Variants in DNAH8 observed in about 807,000 individuals in gnomAD.
DNAH8 encodes the protein dynein axonemal heavy chain 8, also known as axonemal beta dynein heavy chain 8.
A neutral mutation model predicts 562.1 loss-of-function variants in DNAH8; 382 were observed. The ratio of observed to expected loss-of-function variants is 0.68; its 90% CI spans 0.63 to 0.74. DNAH8 has a LOEUF of 0.74. Ranked by LOEUF, DNAH8 falls within the 30% of genes least tolerant of loss-of-function variation. DNAH8 has a pLI of 0.00. For synonymous variants in DNAH8, 1,881 were observed against 1,919.4 expected (o/e 0.98, Z 0.52); for missense variants, 5,203 against 5,620.4 (o/e 0.93, Z 2.37).
intron 32 of DNAH8, among the ~76,000 whole-genome samples, chr6:38,835,037 A>C (rs576692589): frequency 2.8e-4 from 42 of 152,160 alleles, no homozygotes; most frequent in African/African-American, 9.4e-4. Flanking sequence ...AAGTTTCCCT[A>C]CTTCTTTGTC....
rs911341706 is a variant in DNAH8 at position 38,814,646 on chromosome 6, G to C, written c.3333+517G>C. 1.4e-4 allele frequency among the ~76,000 whole-genome samples: 21 copies of C among 152,100 alleles called. 1 individual carries two copies. The highest frequency in any genetic ancestry group is 4.4e-5 in the Non-Finnish European group (3 of 68,030). ...AAGGACTCGTGAAAGAATTGAGTTA[G>C]GCATCTGTTCTGCCAGCAGTTAGCA... is the stretch of plus-strand genomic sequence containing the variant. On this transcript the variant is annotated intron_variant, in intron 25 of 92. Coordinates refer to ENST00000327475, the MANE Select transcript of DNAH8 (RefSeq NM_001206927.2).
At chr6:38,747,572 A>G (rs1765062651) in intron 8 of DNAH8, among the ~76,000 whole-genome samples, 2 of 151,958 alleles carry the variant, frequency 1.3e-5, no homozygotes, top group Admixed American at 1.3e-4. Flanking sequence ...TGTTTAGTAG[A>G]GACAAGGTTT....
rs770862326 is a variant in DNAH8 at position 39,000,967 on chromosome 6, G to A, written c.13215-7847G>A. ...AGTACAAAGAAGAGGAACATAATGA[G>A]CGGTAAGGACCAAGAACTTAGACTG... is the stretch of plus-strand genomic sequence containing the variant. On this transcript the variant is annotated intron_variant, in intron 88 of 92. Coordinates refer to ENST00000327475, the MANE Select transcript of DNAH8 (RefSeq NM_001206927.2). 5.3e-5 allele frequency among the ~76,000 whole-genome samples: 8 copies of A among 152,222 alleles called. No individual in the cohort carries two copies. In the South Asian group the frequency reaches 6.2e-4, roughly 12 times the overall value.
At chr6:38,972,391 GCTAGTCATTAATTCTCAAATGCC>G (rs1279264997) in intron 83 of DNAH8, among the ~76,000 whole-genome samples, 99 of 152,198 alleles carry the variant, frequency 6.5e-4, no homozygotes, top group African/African-American at 2.3e-3. Context: ...AACTTTTCCA[GCTAGTCATTAATTCTCAAATGCC>G]CTAAGCCTCA....
At chr6:38,789,726 C>T (rs1161509383) in intron 18 of DNAH8, 77 bp from the exon 19 acceptor site, 8 of 1,113,012 alleles carry the variant, frequency 7.2e-6, no homozygotes, top group Non-Finnish European at 1.1e-5. Flanking sequence ...ATTATGAAAC[C>T]TTCCTGGAAT....
chr6:38,736,959 T>C, intron 5 of DNAH8, 108 bp from the exon 6 acceptor site: 1 of 745,302 alleles, frequency 1.3e-6, no homozygotes, highest in Non-Finnish European at 2.0e-6. Context: ...TAATAGTTTA[T>C]AAAATGTATT....
At chr6:38,805,420 T>C (rs1583052498) in intron 22 of DNAH8, 61 bp from the exon 23 acceptor site, 2 of 1,027,184 alleles carry the variant, frequency 1.9e-6, no homozygotes, top group Non-Finnish European at 3.0e-6. Flanking sequence ...TTTGGCCATG[T>C]AGAATACAGA....
intron 24 of DNAH8, among the ~76,000 whole-genome samples, chr6:38,810,446 G>T (rs1317541349): frequency 6.6e-6 from 1 of 152,094 alleles, no homozygotes; most frequent in Non-Finnish European, 1.5e-5. Flanking sequence ...ACAAAAAGTA[G>T]GCAGGTGTGG....
chr6:38,776,709 G>T (rs1267505506), intron 13 of DNAH8, among the ~76,000 whole-genome samples: 1 of 152,156 alleles, frequency 6.6e-6, no homozygotes, highest in East Asian at 1.9e-4. Context: ...CTCTGAAGAG[G>T]CATTCATATC....
chr6:38,960,665 T>C (rs1202494187), intron 82 of DNAH8, among the ~76,000 whole-genome samples: 1 of 151,922 alleles, frequency 6.6e-6, no homozygotes, highest in African/African-American at 2.4e-5. Flanking sequence ...TCATACAGTA[T>C]TGGTAGAAAT....
rs373670534 is a variant in DNAH8, at chr6:38,842,912, G to A, written c.4845+9G>A. 59 of 1,612,536 alleles carry A rather than the reference G, an allele frequency of 3.7e-5. No homozygotes were observed. The East Asian group carries it at 9.4e-4, about 26-fold the overall frequency. On this transcript the variant is annotated intron_variant, in intron 35 of 92. Coordinates refer to ENST00000327475, the MANE Select transcript of DNAH8 (RefSeq NM_001206927.2). ...ATAAGGATGATATTGAGGTACATAA[G>A]TGTATACGTTCTTATCAATGATCCA...
chr6:38,937,653 G>T (rs1346268641), intron 77 of DNAH8, among the ~76,000 whole-genome samples: 2 of 152,122 alleles, frequency 1.3e-5, no homozygotes, highest in Non-Finnish European at 2.9e-5. Flanking sequence ...ATCACATGGG[G>T]AACAGCAAAG....
chr6:38,842,351 G>C lies in DNAH8; in HGVS notation c.4467-17G>C. 6.3e-7 allele frequency: 1 copy of C among 1,586,108 alleles called. No homozygotes were observed. Among genetic ancestry groups the C allele is most frequent in the Non-Finnish European group, 8.6e-7 (1 of 1,167,256 alleles). On this transcript the variant is annotated splice_polypyrimidine_tract_variant and intron_variant, in intron 33 of 92. Transcript: ENST00000327475. ...ATATTATACATGATGTGATAACTTA[G>C]TTACTTTGTTTCCCAGAAAAGAACT...
chr6:38,770,278 T>A, intron 11 of DNAH8, 135 bp from the exon 12 acceptor site: 1 of 447,792 alleles, frequency 2.2e-6, no homozygotes, highest in Non-Finnish European at 3.6e-6. Flanking sequence ...AGGATGAAAA[T>A]ATGGTATAAA....
chr6:38,728,669 A>G (rs1189877223), intron 3 of DNAH8, among the ~76,000 whole-genome samples: 2 of 152,158 alleles, frequency 1.3e-5, no homozygotes, highest in African/African-American at 4.8e-5. Context: ...GTAGAGAACA[A>G]AGGGCTAGAG....
At chr6:38,961,928 A>C (rs1028443878) in intron 82 of DNAH8, among the ~76,000 whole-genome samples, 2 of 152,004 alleles carry the variant, frequency 1.3e-5, no homozygotes, top group Non-Finnish European at 2.9e-5. Flanking sequence ...TCTAACAAAA[A>C]ATACAAATGA....
intron 70 of DNAH8, 133 bp from the exon 71 acceptor site, chr6:38,921,236 A>G: frequency 1.9e-6 from 2 of 1,040,420 alleles, no homozygotes; most frequent in Non-Finnish European, 2.7e-6. Flanking sequence ...TTGCTTTCCC[A>G]GCTGAAGACA....
intron 92 of DNAH8, among the ~76,000 whole-genome samples, chr6:39,028,904 A>T (rs1429678200): frequency 6.6e-6 from 1 of 151,810 alleles, no homozygotes; most frequent in Non-Finnish European, 1.5e-5. Context: ...GTGAGCCCCC[A>T]CAGGGGGATT....
intron 5 of DNAH8, among the ~76,000 whole-genome samples, chr6:38,736,388 A>G (rs1305031657): frequency 6.6e-6 from 1 of 152,174 alleles, no homozygotes; most frequent in Non-Finnish European, 1.5e-5. Flanking sequence ...CTTTTCACCA[A>G]TGTTGACATT....
Sources: gnomAD v4.1 joint callset for allele counts (sites outside exome capture counted in the v4.1 genomes callset) on GRCh38, gnomAD v4.1.1 for gene constraint, MANE v1.5 for transcripts, NCBI Gene and HGNC (gene_info 2026-07-23, HGNC 2026-07-21) for gene names.